TTN: variants seen among roughly 807,000 people sequenced by gnomAD.
The protein encoded by TTN is titin.
A neutral mutation model predicts 3,223.0 loss-of-function variants in TTN; 1,525 were observed. The observed-to-expected ratio is 0.47, with a 90% CI of 0.45 to 0.49. The LOEUF is 0.49. Ranked by LOEUF, TTN falls within the 20% of genes least tolerant of loss-of-function variation. The pLI is 0.00. For synonymous variants in TTN, 14,094 were observed against 15,161.0 expected (o/e 0.93, Z 5.17); for missense variants, 40,786 against 43,424.0 (o/e 0.94, Z 5.40).
rs1185905654 is a variant in TTN, at chr2:178,722,722, A to C, written c.22177T>G (p.Tyr7393Asp). ...ATACTATTTTCTGCTTTGCATGTGT[A>C]CTCTCCACTGTCATTGATGTTCACT... ...NKVNINDSGE[Y>D]TCKAENSIGT... The change falls in exon 76 of 363, where the codon TAC becomes GAC. Residue 7393 changes from tyrosine (Y) to aspartate (D), a missense_variant. Coordinates refer to ENST00000589042, the MANE Select transcript of TTN (RefSeq NM_001267550.2). 1 of 1,612,948 alleles carries C rather than the reference A, an allele frequency of 6.2e-7. No homozygotes were observed. Among genetic ancestry groups the C allele is most frequent in the Non-Finnish European group, 8.5e-7 (1 of 1,179,460 alleles).
At chr2:178,705,626 T>C (rs2075742565) in intron 102 of TTN, among the ~76,000 whole-genome samples, 1 of 152,138 alleles carries the variant, frequency 6.6e-6, no homozygotes, top group Non-Finnish European at 1.5e-5. Context: ...GAAGTATTTC[T>C]GTAAACTTTA....
chr2:178,628,027 A>G (rs2059290050), intron 240 of TTN, among the ~76,000 whole-genome samples: 1 of 152,090 alleles, frequency 6.6e-6, no homozygotes, highest in African/African-American at 2.4e-5. Flanking sequence ...AGGTTTTGTG[A>G]TATGTAACTT....
chr2:178,640,718 C>G (rs2061137006), intron 220 of TTN, 88 bp from the exon 221 acceptor site: 1 of 1,094,994 alleles, frequency 9.1e-7, no homozygotes, highest in African/African-American at 1.7e-5. Flanking sequence ...TTCAAAAACT[C>G]TATGGATGGT....
chr2:178,787,460 T>A (rs922769783), intron 13 of TTN, among the ~76,000 whole-genome samples: 5 of 152,164 alleles, frequency 3.3e-5, no homozygotes, highest in African/African-American at 1.2e-4. Flanking sequence ...GAGCTGACTT[T>A]AATTGTATAG....
intron 226 of TTN, 43 bp downstream of exon 226, chr2:178,635,920 G>A (rs544162687): frequency 6.5e-7 from 1 of 1,540,418 alleles, no homozygotes; most frequent in African/African-American, 1.4e-5. Context: ...CATTTTCTTA[G>A]TGTAACAATA....
At position 178,532,125 on chromosome 2, in the gene TTN, G is replaced by T. The variant is rs199661082; in HGVS notation, c.104490C>A (p.Ser34830=). ...EISKHAQRES[S]SSASRLLRRR... ...GTCTCAGTAGTCTAGACGCAGATGA[G>T]GATGATTCTCTTTGAGCATGTTTTG... The change falls in exon 358 of 363, where the codon TCC becomes TCA. Residue 34830 remains serine (S), a synonymous_variant. Coordinates refer to ENST00000589042, the MANE Select transcript of TTN (RefSeq NM_001267550.2). The T allele has an allele frequency of 3.1e-6, 5 of 1,613,924 alleles. No individual in the cohort carries two copies. Among genetic ancestry groups the T allele is most frequent in the Non-Finnish European group, 3.4e-6 (4 of 1,179,860 alleles).
Position 178,730,073 on chromosome 2 carries a change from A to C in TTN, c.18307+20T>G, listed in dbSNP as rs1383973309. The C allele has an allele frequency of 3.7e-6, 5 of 1,347,856 alleles. No individual in the cohort carries two copies. Among genetic ancestry groups the C allele is most frequent in the Non-Finnish European group, 5.0e-6 (5 of 1,006,890 alleles). 83.5% of individuals were successfully genotyped at this position (1,347,856 alleles called of 1,614,324 possible). On this transcript the variant is annotated intron_variant, in intron 62 of 362. Coordinates refer to ENST00000589042, the MANE Select transcript of TTN (RefSeq NM_001267550.2). ...GAAAATCTAGACAAGCAAGAAAGTG[A>C]GGAGATGTAGAGACCAGACCTTTTA...
chr2:178,583,485 A>G (rs2048240344), intron 312 of TTN, 122 bp downstream of exon 312: 1 of 1,079,396 alleles, frequency 9.3e-7, no homozygotes, highest in Admixed American at 3.2e-5. Context: ...GTTTGTGTCT[A>G]TATACAAAAC....
chr2:178,764,421 AATCT>A lies in TTN; in HGVS notation c.9988+102_9988+105del, dbSNP rs2089990164. 8.7e-6 allele frequency: 14 copies of A among 1,610,408 alleles called. No homozygotes were observed. The South Asian group carries it at 1.5e-4, about 18-fold the overall frequency. ...CAGAGTGCTTTCAAAGTTGGGTAGC[AATCT>A]ACTTTTATGAGCTCCAAATTGTATT... On this transcript the variant is annotated intron_variant, in intron 42 of 362. Coordinates refer to ENST00000589042, the MANE Select transcript of TTN (RefSeq NM_001267550.2).
chr2:178,784,835 G>A (rs764700146), intron 15 of TTN, among the ~76,000 whole-genome samples: 2 of 152,126 alleles, frequency 1.3e-5, no homozygotes, highest in African/African-American at 4.8e-5. Context: ...TATTTTAAAG[G>A]TTTCCTTACT....
chr2:178,563,494 A>G lies in TTN; in HGVS notation c.82638T>C (p.Ala27546=). ...EGHSYEFRVA[A]ENAAGVGEPS... ...GTTCTCCCACACCAGCTGCATTTTC[A>G]GCAGCAACTCTGAATTCATAGGAAT... Residue 27546 remains alanine (A), a synonymous_variant, in exon 326 of 363, where the codon GCT becomes GCC. Coordinates refer to ENST00000589042, the MANE Select transcript of TTN (RefSeq NM_001267550.2). The surrounding 1 kb of genome is among the most constrained non-coding windows in gnomAD (Gnocchi z 4.5). 1 of 1,613,778 alleles carries G rather than the reference A, an allele frequency of 6.2e-7. No individual in the cohort carries two copies. The highest frequency in any genetic ancestry group is 8.5e-7 in the Non-Finnish European group (1 of 1,179,756).
chr2:178,618,308 G>A lies in TTN; in HGVS notation c.47150C>T (p.Thr15717Ile), dbSNP rs1202910952. 5 of 1,612,714 alleles carry A rather than the reference G, an allele frequency of 3.1e-6. No homozygotes were observed. The highest frequency in any genetic ancestry group is 3.4e-6 in the Non-Finnish European group (4 of 1,179,174). ...ATDRAESCEF[T>I]VTGLQKGGVE... ...TCCTCCTTTCTGTAGACCAGTGACA[G>A]TAAACTCACAACTCTCTGCACGGTC... Residue 15717 changes from threonine (T) to isoleucine (I), a missense_variant, in exon 252 of 363, where the codon ACT (threonine) becomes ATT (isoleucine). Physicochemically the swap from Thr to Ile is moderately conservative, Grantham distance 89. Transcript: ENST00000589042.
chr2:178,601,039 T>C lies in TTN; in HGVS notation c.55865A>G (p.Asp18622Gly). 1 of 1,612,922 alleles carries C rather than the reference T, an allele frequency of 6.2e-7. No homozygotes were observed. Among genetic ancestry groups the C allele is most frequent in the South Asian group, 1.1e-5 (1 of 91,010 alleles). ...THYIVECLAW[D>G]PTGTKKEAWR... Reference sequence around the variant, plus strand: ...GGCTTCTTTCTTTGTCCCAGTAGGGTCCCATGCAAGGCACTCAACAATATA... The same window carrying C: ...GGCTTCTTTCTTTGTCCCAGTAGGGCCCCATGCAAGGCACTCAACAATATA... The change falls in exon 288 of 363, where the codon GAC (aspartate) becomes GGC (glycine). Residue 18622 changes from aspartate to glycine, a missense_variant. Asp to Gly is a moderately conservative substitution (Grantham distance 94). Coordinates refer to ENST00000589042, the MANE Select transcript of TTN (RefSeq NM_001267550.2).
At chr2:178,690,568 G>A (rs1165999656) in intron 121 of TTN, among the ~76,000 whole-genome samples, 1 of 151,960 alleles carries the variant, frequency 6.6e-6, no homozygotes, top group African/African-American at 2.4e-5. Flanking sequence ...TGTTTACAGT[G>A]TATTTGATTT....
intron 14 of TTN, 40 bp from the exon 15 acceptor site, chr2:178,785,782 G>A (rs770730308): frequency 6.2e-7 from 1 of 1,614,108 alleles, no homozygotes; most frequent in Admixed American, 1.7e-5. Context: ...TTGATCACCA[G>A]ATGACCACAG....
Position 178,773,137 on chromosome 2 carries a change from A to G in TTN, c.7827T>C (p.Asn2609=), listed in dbSNP as rs2154344456. The G allele has an allele frequency of 1.2e-6, 2 of 1,613,876 alleles. No individual in the cohort carries two copies. The highest frequency in any genetic ancestry group is 1.7e-6 in the Non-Finnish European group (2 of 1,179,898). The change falls in exon 33 of 363, where the codon AAT becomes AAC. Residue 2609 remains asparagine, a synonymous_variant. Coordinates refer to ENST00000589042, the MANE Select transcript of TTN (RefSeq NM_001267550.2). ...CCACAGTAAGTTTTCCAGATGTCAT[A>G]TTTTCTCCCGCGTAAAATGTGTATT... ...EGKYTFYAGE[N]MTSGKLTVAG... is the part of the protein sequence containing the mutation.
At position 178,773,197 on chromosome 2, in the gene TTN, C is replaced by A. The variant is rs372080212; in HGVS notation, c.7767G>T (p.Leu2589Phe). The A allele has an allele frequency of 1.9e-5, 31 of 1,613,538 alleles. No individual in the cohort carries two copies. In the African/African-American group the frequency reaches 3.1e-4, roughly 16 times the overall value. The change falls in exon 33 of 363, where the codon TTG becomes TTT. Residue 2589 changes from leucine (L) to phenylalanine (F), a missense_variant. By Grantham distance (22) the Leu-to-Phe change is conservative. Transcript: ENST00000589042. The stretch of plus-strand genomic sequence containing the variant: ...CATCTTTCATCATATTTAGAACTGT[C>A]AATTTATATATTTTTCCATGTGCTT... ...KIEAHGKIYK[L>F]TVLNMMKDDE...
rs2092292535 is a variant in TTN, at chr2:178,776,977, A to G, written c.4887T>C (p.Thr1629=). ...STVSQDSAWY[T]ATAINKAGRD... is the part of the protein sequence containing the mutation. ...TGCCAGCTTTATTAATAGCAGTCGCAGTATACCAGGCAGAATCTTGGCTGA... is the reference window on the plus strand; with the variant it reads ...TGCCAGCTTTATTAATAGCAGTCGCGGTATACCAGGCAGAATCTTGGCTGA... The change falls in exon 28 of 363, where the codon ACT becomes ACC. Residue 1629 remains threonine, a synonymous_variant. Coordinates refer to ENST00000589042, the MANE Select transcript of TTN (RefSeq NM_001267550.2). The G allele has an allele frequency of 6.2e-7, 1 of 1,614,060 alleles. No individual in the cohort carries two copies. The highest frequency in any genetic ancestry group is 8.5e-7 in the Non-Finnish European group (1 of 1,179,994).
In TTN at chr2:178,723,279, G is replaced by A. The variant is rs193060723; in HGVS notation, c.21728C>T (p.Pro7243Leu). The A allele has an allele frequency of 8.7e-6, 14 of 1,613,430 alleles. No homozygotes were observed. In the Admixed American group the frequency reaches 2.2e-4, roughly 25 times the overall value. ...LKRLSDHSVE[P>L]GKSIILESTY... The stretch of plus-strand genomic sequence containing the variant: ...GCTCTCCAGAATTATGGACTTCCCT[G>A]GTTCTACAGAATGATCACTTAATCT... The change falls in exon 75 of 363, where the codon CCA becomes CTA. Residue 7243 changes from proline to leucine, a missense_variant. Coordinates refer to ENST00000589042, the MANE Select transcript of TTN (RefSeq NM_001267550.2).
Sources: allele counts gnomAD v4.1 joint callset (sites outside exome capture counted in the v4.1 genomes callset), GRCh38; gene constraint gnomAD v4.1.1; non-coding constraint Gnocchi (gnomAD v3.1); transcripts MANE v1.5; gene names NCBI Gene and HGNC (gene_info 2026-07-23, HGNC 2026-07-21).